The following LTBP1 variants were observed in gnomAD, a reference collection of about 807,000 sequenced individuals.
LTBP1 encodes the protein latent transforming growth factor beta binding protein 1, also known as latent-transforming growth factor beta-binding protein 1.
LTBP1 carries 129 observed loss-of-function variants against 207.6 expected under a neutral mutation model. The observed-to-expected ratio is 0.62, with a 90% CI of 0.54 to 0.72. The LOEUF (loss-of-function observed/expected upper bound fraction) is 0.72. Ranked by LOEUF, LTBP1 falls within the 30% of genes least tolerant of loss-of-function variation. LTBP1 has a pLI of 0.00. For missense variants in LTBP1, 2,281 were observed against 2,217.2 expected (o/e 1.03, Z -0.58); for synonymous variants, 963 against 833.7 (o/e 1.16, Z -2.67).
rs147422341 is a variant in LTBP1 at position 33,105,190 on chromosome 2, C to G, written c.864-5392C>G. ...ACTGGGAAATACTGAGGGTTCACATCCAGACCATCCCAAGAAAGTGAGTAT... is the reference window on the plus strand; with the variant it reads ...ACTGGGAAATACTGAGGGTTCACATGCAGACCATCCCAAGAAAGTGAGTAT... On this transcript the variant is annotated intron_variant, in intron 3 of 33. Coordinates refer to ENST00000404816, the MANE Select transcript of LTBP1 (RefSeq NM_206943.4). Among the ~76,000 whole-genome samples, 535 of 152,256 alleles carry G rather than the reference C, an allele frequency of 3.5e-3. 3 individuals are homozygous for G. Among genetic ancestry groups the G allele is most frequent in the African/African-American group, 0.012 (516 of 41,544 alleles).
chr2:33,116,464 T>C (rs2080750817), intron 4 of LTBP1, among the ~76,000 whole-genome samples: 1 of 152,184 alleles, frequency 6.6e-6, no homozygotes, highest in Admixed American at 6.5e-5. Context: ...TAGCTCTGGC[T>C]CTTAAAAAAA....
intron 2 of LTBP1, among the ~76,000 whole-genome samples, chr2:32,958,629 G>A (rs917807709): frequency 1.8e-4 from 27 of 152,214 alleles, no homozygotes; most frequent in Non-Finnish European, 3.8e-4. Flanking sequence ...GAGTTGAGTC[G>A]AAGTAGCATT....
chr2:33,261,019 A>G (rs1188877519), intron 13 of LTBP1, among the ~76,000 whole-genome samples: 1 of 152,188 alleles, frequency 6.6e-6, no homozygotes, highest in African/African-American at 2.4e-5. Flanking sequence ...TATGTGATGG[A>G]TGAAGAAAAG....
intron 10 of LTBP1, among the ~76,000 whole-genome samples, chr2:33,246,451 G>A (rs1290543777): frequency 6.6e-6 from 1 of 151,302 alleles, no homozygotes; most frequent in Non-Finnish European, 1.5e-5. Flanking sequence ...AATAGCAGGA[G>A]GGGACTGGAG....
At chr2:33,197,298 C>A (rs1184025125) in intron 7 of LTBP1, among the ~76,000 whole-genome samples, 1 of 152,168 alleles carries the variant, frequency 6.6e-6, no homozygotes, top group Non-Finnish European at 1.5e-5. Flanking sequence ...AGTTAGGTTT[C>A]TGTGCTACCT....
chr2:32,975,974 C>G (rs913590643), intron 2 of LTBP1, among the ~76,000 whole-genome samples: 1 of 152,164 alleles, frequency 6.6e-6, no homozygotes, highest in Non-Finnish European at 1.5e-5. Flanking sequence ...TAAGAAGACA[C>G]TCTAGCTTTT....
At chr2:33,347,570 C>A (rs558701445) in intron 26 of LTBP1, 60 bp downstream of exon 26, 2 of 1,600,444 alleles carry the variant, frequency 1.2e-6, no homozygotes, top group Admixed American at 3.3e-5. Context: ...CCTGCACCCA[C>A]ACAGCTTTGG....
intron 31 of LTBP1, among the ~76,000 whole-genome samples, chr2:33,367,330 A>G (rs2095002773): frequency 6.6e-6 from 1 of 152,238 alleles, no homozygotes; most frequent in African/African-American, 2.4e-5. Flanking sequence ...CTCTTAAAAT[A>G]GATGAAAGTT....
chr2:33,313,432 G>A (rs2094215462), intron 23 of LTBP1, among the ~76,000 whole-genome samples: 1 of 152,198 alleles, frequency 6.6e-6, no homozygotes, highest in Non-Finnish European at 1.5e-5. Context: ...TAGGGAAAGG[G>A]ATGACTTTAT....
At chr2:33,104,872 G>T (rs1380130766) in intron 3 of LTBP1, among the ~76,000 whole-genome samples, 1 of 152,016 alleles carries the variant, frequency 6.6e-6, no homozygotes, top group Non-Finnish European at 1.5e-5. Context: ...TGACAGACAT[G>T]ACTCAGCACG....
chr2:33,138,753 A>G (rs778574087), intron 5 of LTBP1, among the ~76,000 whole-genome samples: 50 of 152,152 alleles, frequency 3.3e-4, no homozygotes, highest in Non-Finnish European at 6.2e-4. Context: ...TGGTCAAAAT[A>G]ACACATTTGG....
intron 24 of LTBP1, among the ~76,000 whole-genome samples, chr2:33,340,778 C>T (rs113285138): frequency 0.013 from 2,050 of 152,186 alleles, 29 homozygotes; most frequent in Non-Finnish European, 0.023. Flanking sequence ...GCACTTTGTA[C>T]GTGTTATTTT....
At position 33,315,075 on chromosome 2, in the gene LTBP1, T is replaced by C. The variant is rs1461399982; in HGVS notation, c.3605-69T>C. 8.0e-6 allele frequency: 10 copies of C among 1,242,994 alleles called. No individual in the cohort carries two copies. In the African/African-American group the frequency reaches 1.6e-4, roughly 20 times the overall value. The allele number at this position is 1,242,994 out of a possible 1,614,324, so 77.0% of individuals were successfully genotyped here. ...CATGTCATAATAGATTTATTTGCCA[T>C]CTGTTTGATAGTATATGGGAATGAA... On this transcript the variant is annotated intron_variant, in intron 23 of 33. Coordinates refer to ENST00000404816, the MANE Select transcript of LTBP1 (RefSeq NM_206943.4).
chr2:33,100,323 A>G (rs1487244849), intron 3 of LTBP1, among the ~76,000 whole-genome samples: 1 of 152,134 alleles, frequency 6.6e-6, no homozygotes, highest in Non-Finnish European at 1.5e-5. Flanking sequence ...CAGAATTGGC[A>G]TCTCAAATGG....
chr2:33,109,338 C>G (rs552166053), intron 3 of LTBP1, among the ~76,000 whole-genome samples: 1 of 152,140 alleles, frequency 6.6e-6, no homozygotes, highest in African/African-American at 2.4e-5. Context: ...TCCTTAGGAT[C>G]GGTATTTTGG....
At chr2:33,314,804 A>G (rs1331049677) in intron 23 of LTBP1, among the ~76,000 whole-genome samples, 1 of 152,224 alleles carries the variant, frequency 6.6e-6, no homozygotes, top group Non-Finnish European at 1.5e-5. Context: ...GAGGGCAAAG[A>G]AGGACAGCAT....
At chr2:33,011,670 T>C (rs1263159445) in intron 2 of LTBP1, among the ~76,000 whole-genome samples, 2 of 151,998 alleles carry the variant, frequency 1.3e-5, no homozygotes, top group Admixed American at 6.6e-5. Context: ...CTGTGGTACT[T>C]TGTTATGGCA....
At chr2:32,981,229 G>T (rs1682719595) in intron 2 of LTBP1, among the ~76,000 whole-genome samples, 1 of 152,018 alleles carries the variant, frequency 6.6e-6, no homozygotes, top group South Asian at 2.1e-4. Flanking sequence ...CCCCATTGCG[G>T]CCATTTTCTA....
chr2:32,964,086 G>T (rs1679568475), intron 2 of LTBP1, among the ~76,000 whole-genome samples: 1 of 152,224 alleles, frequency 6.6e-6, no homozygotes. Context: ...CTCGCGTCAA[G>T]ATCAAGAAGC....
Sources: allele counts gnomAD v4.1 joint callset (sites outside exome capture counted in the v4.1 genomes callset), GRCh38; gene constraint gnomAD v4.1.1; transcripts MANE v1.5; gene names NCBI Gene and HGNC (gene_info 2026-07-23, HGNC 2026-07-21).